Variants in MAGI1 observed in about 807,000 individuals in gnomAD.
The protein encoded by MAGI1 is membrane-associated guanylate kinase, WW and PDZ domain-containing protein 1.
Under a neutral mutation model 139.9 loss-of-function variants are expected in MAGI1, and 58 were observed. The ratio of observed to expected loss-of-function variants is 0.41; its 90% confidence interval spans 0.34 to 0.52. MAGI1 has a LOEUF of 0.52. Ranked by LOEUF, MAGI1 falls within the 20% of genes least tolerant of loss-of-function variation. The probability of loss-of-function intolerance (pLI) is 0.12; values close to 1 mark genes in which losing one functional copy is unlikely to be tolerated. For missense variants in MAGI1, 1,874 were observed against 1,901.6 expected, an observed-to-expected ratio of 0.99 and a Z score of 0.27; for synonymous variants, 812 against 737.9, an observed-to-expected ratio of 1.10 and a Z score of -1.63.
Position 66,038,149 on chromosome 3 carries a change from C to T in MAGI1, c.160G>A (p.Gly54Arg). The part of the protein sequence containing the change: ...VGAVAAVEAA[G>R]LPGGGEGPRL... The stretch of plus-strand genomic sequence containing the variant: ...GGGCCCTCGCCGCCGCCGGGAAGCC[C>T]CGCTGCCTCGACCGCCGCCACCGCT... Residue 54 changes from glycine to arginine, a missense_variant, in exon 1 of 23, where the codon GGG becomes AGG. By Grantham distance (125) the Gly-to-Arg change is moderately radical. Transcript: ENST00000402939. The T allele has an allele frequency of 1.2e-6, 2 of 1,611,988 alleles. No homozygotes were observed. The highest frequency in any genetic ancestry group is 2.2e-5 in the South Asian group (2 of 90,998).
rs1465031055 is a variant in MAGI1 at position 65,391,241 on chromosome 3, C to T, written c.2317G>A (p.Ala773Thr). The T allele has an allele frequency of 1.2e-6, 2 of 1,614,062 alleles. No homozygotes were observed. Among genetic ancestry groups the T allele is most frequent in the Non-Finnish European group, 1.7e-6 (2 of 1,180,046 alleles). The change falls in exon 14 of 23, where the codon GCA (alanine) becomes ACA (threonine). Residue 773 changes from alanine (A) to threonine (T), a missense_variant. Ala to Thr is a moderately conservative substitution (Grantham distance 58). Around this residue, in one of 5 missense-constraint regions of MAGI1, gnomAD observed 482 missense variants for 509.6 expected, o/e 0.95. Transcript: ENST00000402939. ...STQVLPEFPPAEAQAPDQTDS... is the reference protein window; with the variant it reads ...STQVLPEFPPTEAQAPDQTDS... ...GTTTGATCTGGAGCTTGGGCCTCTG[C>T]AGGTGGGAACTCGGGGAGCACCTGT...
intron 3 of MAGI1, among the ~76,000 whole-genome samples, chr3:65,488,821 G>A (rs577820305): frequency 5.3e-5 from 8 of 152,010 alleles, no homozygotes; most frequent in Admixed American, 1.3e-4. Flanking sequence ...ACAGGTGCAC[G>A]CCACCGTGCC....
intron 1 of MAGI1, among the ~76,000 whole-genome samples, chr3:65,771,998 C>G (rs564863480): frequency 6.6e-6 from 1 of 152,264 alleles, no homozygotes; most frequent in African/African-American, 2.4e-5. Flanking sequence ...GTCAGGAGTT[C>G]AAGACAAGCC....
At chr3:65,960,797 T>G (rs2107079756) in intron 1 of MAGI1, among the ~76,000 whole-genome samples, 1 of 152,330 alleles carries the variant, frequency 6.6e-6, no homozygotes, top group Middle Eastern at 3.4e-3. Flanking sequence ...TTCCCCACCT[T>G]TGTTTCCATA....
At chr3:65,787,053 T>G (rs1336981230) in intron 1 of MAGI1, among the ~76,000 whole-genome samples, 2 of 152,194 alleles carry the variant, frequency 1.3e-5, no homozygotes, top group Non-Finnish European at 2.9e-5. Flanking sequence ...CAGATTCTTC[T>G]CCTATCTCAT....
intron 1 of MAGI1, among the ~76,000 whole-genome samples, chr3:65,630,724 G>A (rs1212261942): frequency 1.1e-4 from 17 of 152,146 alleles, no homozygotes; most frequent in Admixed American, 1.1e-3. Context: ...AGATTGAGAG[G>A]TGGGTGAGGG....
chr3:65,891,885 AATATATATATATAT>A (rs55826911), intron 1 of MAGI1, among the ~76,000 whole-genome samples: 1,337 of 37,442 alleles, frequency 0.036, 71 homozygotes, highest in South Asian at 0.052. Context: ...CTTAAAGTAT[AATATATATATATAT>A]ATATATATAT....
chr3:66,002,515 T>G (rs2066797265), intron 1 of MAGI1, among the ~76,000 whole-genome samples: 1 of 152,056 alleles, frequency 6.6e-6, no homozygotes, highest in South Asian at 2.1e-4. Context: ...ACTATTTTTC[T>G]TTTCTTTTTT....
intron 18 of MAGI1, among the ~76,000 whole-genome samples, chr3:65,369,222 T>C (rs1270800181): frequency 1.3e-5 from 2 of 152,140 alleles, no homozygotes; most frequent in East Asian, 1.9e-4. Flanking sequence ...AAAACACTCC[T>C]GCCAGACCTT....
At chr3:65,369,144 C>T (rs1331488405) in intron 18 of MAGI1, among the ~76,000 whole-genome samples, 1 of 152,182 alleles carries the variant, frequency 6.6e-6, no homozygotes, top group Admixed American at 6.5e-5. Context: ...ATTGTCCACC[C>T]TGGTCCCAAA....
chr3:65,556,300 T>C (rs1344231455), intron 2 of MAGI1, among the ~76,000 whole-genome samples: 2 of 152,224 alleles, frequency 1.3e-5, no homozygotes, highest in African/African-American at 4.8e-5. Flanking sequence ...AAATTTGTCA[T>C]ATGGCTTTAA....
At chr3:65,714,548 A>G (rs775951441) in intron 1 of MAGI1, among the ~76,000 whole-genome samples, 1 of 152,126 alleles carries the variant, frequency 6.6e-6, no homozygotes, top group Non-Finnish European at 1.5e-5. Flanking sequence ...GCTGTGAGCA[A>G]TAACAGCCTT....
rs190788191 is a variant in MAGI1, at chr3:65,993,122, T to A, written c.313+44874A>T. On this transcript the variant is annotated intron_variant, in intron 1 of 22. Coordinates refer to ENST00000402939, the MANE Select transcript of MAGI1 (RefSeq NM_001033057.2). ...CTGGGACTACATGCACCTGGCTTCA[T>A]TACAGCTTTATTTCCAGATGCTTCA... is the stretch of plus-strand genomic sequence containing the variant. Among the ~76,000 whole-genome samples, 343 of 152,308 alleles carry A rather than the reference T, an allele frequency of 2.3e-3. 6 individuals are homozygous for A. Among genetic ancestry groups the A allele is most frequent in the African/African-American group, 2.6e-3 (107 of 41,580 alleles).
intron 1 of MAGI1, among the ~76,000 whole-genome samples, chr3:65,704,662 A>G (rs906039100): frequency 6.6e-6 from 1 of 152,040 alleles, no homozygotes; most frequent in African/African-American, 2.4e-5. Flanking sequence ...AGTCACTTCA[A>G]TTTTCTTTTT....
chr3:65,376,361 C>T (rs1942523681), intron 17 of MAGI1, among the ~76,000 whole-genome samples: 1 of 152,202 alleles, frequency 6.6e-6, no homozygotes. Context: ...CATGTCACTT[C>T]ATTTTTGCCA....
intron 1 of MAGI1, among the ~76,000 whole-genome samples, chr3:65,862,301 T>C (rs577386708): frequency 1.3e-5 from 2 of 152,276 alleles, no homozygotes; most frequent in South Asian, 4.1e-4. Flanking sequence ...CCTATTCTCA[T>C]ATGGTTGATG....
chr3:65,565,327 T>G (rs2080563464), intron 2 of MAGI1, among the ~76,000 whole-genome samples: 2 of 152,172 alleles, frequency 1.3e-5, no homozygotes, highest in Admixed American at 1.3e-4. Context: ...CCACAATATA[T>G]AGCCAAACCT....
chr3:65,623,656 A>G (rs1156425753), intron 1 of MAGI1, among the ~76,000 whole-genome samples: 1 of 152,190 alleles, frequency 6.6e-6, no homozygotes, highest in African/African-American at 2.4e-5. Flanking sequence ...CCTATGGTCA[A>G]AAAGAGTAAA....
intron 1 of MAGI1, among the ~76,000 whole-genome samples, chr3:65,668,562 C>CTTT (rs58434479): frequency 5.0e-4 from 40 of 79,864 alleles, no homozygotes; most frequent in African/African-American, 1.6e-3. Flanking sequence ...CCTTTTTTTT[C>CTTT]TTTTTTTTTT....
Sources: allele counts gnomAD v4.1 joint callset (sites outside exome capture counted in the v4.1 genomes callset), GRCh38; gene constraint gnomAD v4.1.1; regional missense constraint gnomAD v4.1.1; transcripts MANE v1.5; gene names NCBI Gene and HGNC (gene_info 2026-07-23, HGNC 2026-07-21).